Variants in DYNC1I1 observed in about 807,000 individuals in gnomAD.
DYNC1I1 encodes cytoplasmic dynein 1 intermediate chain 1.
In DYNC1I1, 43 loss-of-function variants were observed where a neutral mutation model predicts 86.6. That is an observed-to-expected ratio of 0.50 (90% confidence interval 0.39 to 0.64). The LOEUF (loss-of-function observed/expected upper bound fraction) is 0.64, where lower values mean the gene tolerates loss of function less well. Ranked by LOEUF, DYNC1I1 falls within the 30% of genes least tolerant of loss-of-function variation. DYNC1I1 has a pLI of 0.00. For missense variants in DYNC1I1, 604 were observed against 788.8 expected, an observed-to-expected ratio of 0.77 and a Z score of 2.81; for synonymous variants, 262 against 283.7, an observed-to-expected ratio of 0.92 and a Z score of 0.77.
At position 96,073,199 on chromosome 7, in the gene DYNC1I1, T is replaced by A. The variant is rs535824406; in HGVS notation, c.1510-2858T>A. 4.0e-4 allele frequency among the ~76,000 whole-genome samples: 61 copies of A among 152,308 alleles called. 1 individual carries two copies. Among genetic ancestry groups the A allele is most frequent in the Middle Eastern group, 6.8e-3 (2 of 294 alleles). ...TCCCAAACACACACGTACTGTAGCC[T>A]AGAATTATTTGCACAGCAACTTTTA... is the stretch of plus-strand genomic sequence containing the variant. On this transcript the variant is annotated intron_variant, in intron 14 of 16. Transcript: ENST00000447467.
intron 1 of DYNC1I1, among the ~76,000 whole-genome samples, chr7:95,778,130 T>C (rs1793893340): frequency 6.6e-6 from 1 of 152,174 alleles, no homozygotes; most frequent in Admixed American, 6.5e-5. Context: ...CACAGTAAAA[T>C]TTGGGATTTC....
chr7:95,985,001 TA>T (rs1363956191), intron 8 of DYNC1I1, 24 bp downstream of exon 8: 1 of 1,601,282 alleles, frequency 6.2e-7, no homozygotes, highest in Non-Finnish European at 8.5e-7. Flanking sequence ...GTGCATTCTT[TA>T]AAAAATAGCG....
At chr7:95,808,113 T>C (rs549101824) in intron 2 of DYNC1I1, among the ~76,000 whole-genome samples, 2 of 152,258 alleles carry the variant, frequency 1.3e-5, no homozygotes, top group South Asian at 2.1e-4. Context: ...AAACTTCTGA[T>C]CCTGAATCCA....
intron 10 of DYNC1I1, among the ~76,000 whole-genome samples, chr7:96,006,400 C>T (rs1370358308): frequency 6.6e-6 from 1 of 152,180 alleles, no homozygotes; most frequent in Non-Finnish European, 1.5e-5. Flanking sequence ...CCCAGTCACA[C>T]TCCTCATGAT....
At chr7:96,007,143 C>T (rs1794160827) in intron 10 of DYNC1I1, among the ~76,000 whole-genome samples, 1 of 152,016 alleles carries the variant, frequency 6.6e-6, no homozygotes, top group African/African-American at 2.4e-5. Flanking sequence ...AAAAAAATTA[C>T]CCTTTATTGT....
intron 1 of DYNC1I1, among the ~76,000 whole-genome samples, chr7:95,791,827 T>C (rs913216178): frequency 3.9e-5 from 6 of 152,180 alleles, no homozygotes; most frequent in African/African-American, 1.2e-4. Flanking sequence ...GTTGAATGGA[T>C]GAGACAATGT....
chr7:95,955,497 T>G (rs1198729546), intron 6 of DYNC1I1, among the ~76,000 whole-genome samples: 1 of 152,040 alleles, frequency 6.6e-6, no homozygotes, highest in African/African-American at 2.4e-5. Context: ...TTTATTTTAT[T>G]TATTATTTTT....
chr7:95,971,249 A>G (rs528843110), intron 6 of DYNC1I1, among the ~76,000 whole-genome samples: 1 of 152,342 alleles, frequency 6.6e-6, no homozygotes, highest in African/African-American at 2.4e-5. Context: ...AGCATATAAT[A>G]TTAGAAAAGA....
intron 6 of DYNC1I1, among the ~76,000 whole-genome samples, chr7:95,972,235 A>G (rs945609541): frequency 2.6e-5 from 4 of 152,280 alleles, no homozygotes; most frequent in Admixed American, 6.5e-5. Context: ...TCACAGAATC[A>G]ACAGGAGGCA....
chr7:95,961,176 G>A (rs1050930748), intron 6 of DYNC1I1, among the ~76,000 whole-genome samples: 4 of 152,096 alleles, frequency 2.6e-5, no homozygotes, highest in Admixed American at 2.6e-4. Context: ...TTGGAATTGG[G>A]GCTTCTCTTG....
intron 14 of DYNC1I1, among the ~76,000 whole-genome samples, chr7:96,059,001 C>T (rs56037791): frequency 0.29 from 43,574 of 151,810 alleles, 6,700 homozygotes; most frequent in African/African-American, 0.4. Flanking sequence ...AAATGCCAAA[C>T]TGACAAATAC....
intron 16 of DYNC1I1, among the ~76,000 whole-genome samples, chr7:96,090,896 G>A (rs796129278): frequency 8.5e-5 from 13 of 152,222 alleles, no homozygotes; most frequent in African/African-American, 3.1e-4. Context: ...TTGGAATTCT[G>A]GTCCGTGGTT....
At chr7:95,997,337 G>A (rs971396238) in intron 10 of DYNC1I1, among the ~76,000 whole-genome samples, 1 of 151,824 alleles carries the variant, frequency 6.6e-6, no homozygotes, top group African/African-American at 2.4e-5. Context: ...ATACTGTAAG[G>A]ATTAAGAAAT....
chr7:95,994,024 A>T (rs946816615), intron 9 of DYNC1I1, among the ~76,000 whole-genome samples: 1 of 152,176 alleles, frequency 6.6e-6, no homozygotes, highest in African/African-American at 2.4e-5. Flanking sequence ...AACACTCAGG[A>T]CAGAGTTTTT....
intron 10 of DYNC1I1, among the ~76,000 whole-genome samples, chr7:95,998,420 A>T (rs906260936): frequency 6.6e-5 from 10 of 152,236 alleles, no homozygotes; most frequent in Non-Finnish European, 1.3e-4. Flanking sequence ...CCACCTTCTA[A>T]CCCTAAATGG....
intron 16 of DYNC1I1, among the ~76,000 whole-genome samples, chr7:96,107,095 T>C (rs1791227624): frequency 6.6e-6 from 1 of 152,064 alleles, no homozygotes; most frequent in African/African-American, 2.4e-5. Context: ...GGCATGATCT[T>C]GGCTCACTGA....
At chr7:95,964,989 G>A (rs976304905) in intron 6 of DYNC1I1, among the ~76,000 whole-genome samples, 1 of 152,160 alleles carries the variant, frequency 6.6e-6, no homozygotes, top group African/African-American at 2.4e-5. Context: ...AAGAGTGGTA[G>A]CCCATGCATT....
At chr7:95,857,028 G>A (rs1440687297) in intron 5 of DYNC1I1, among the ~76,000 whole-genome samples, 2 of 152,054 alleles carry the variant, frequency 1.3e-5, no homozygotes, top group Non-Finnish European at 2.9e-5. Context: ...CTCAACCATA[G>A]CCTTGTTGAC....
At chr7:95,942,210 A>T (rs1792246588) in intron 6 of DYNC1I1, among the ~76,000 whole-genome samples, 1 of 152,192 alleles carries the variant, frequency 6.6e-6, no homozygotes, top group Non-Finnish European at 1.5e-5. Flanking sequence ...ATCCCACAGA[A>T]ATACAAACTA....
Sources: gnomAD v4.1 joint callset for allele counts (sites outside exome capture counted in the v4.1 genomes callset) on GRCh38, gnomAD v4.1.1 for gene constraint, MANE v1.5 for transcripts, NCBI Gene and HGNC (gene_info 2026-07-23, HGNC 2026-07-21) for gene names.